Variants in ZFHX3 observed in about 807,000 individuals in gnomAD.
ZFHX3 encodes the protein zinc finger homeobox 3.
Under a neutral mutation model 279.1 loss-of-function variants are expected in ZFHX3, and 42 were observed. The ratio of observed to expected loss-of-function variants is 0.15; its 90% CI spans 0.12 to 0.19. The LOEUF (loss-of-function observed/expected upper bound fraction) is 0.19. ZFHX3 is among the 10% of genes least tolerant of loss of function. ZFHX3 has a pLI of 1.00. For synonymous variants in ZFHX3, 2,293 were observed against 1,957.8 expected (o/e 1.17, Z -4.52); for missense variants, 4,981 against 4,754.0 (o/e 1.05, Z -1.40).
intron 1 of ZFHX3, among the ~76,000 whole-genome samples, chr16:73,006,545 G>C (rs1177720793): frequency 6.6e-6 from 1 of 151,922 alleles, no homozygotes; most frequent in Non-Finnish European, 1.5e-5. Flanking sequence ...GCTTGAGCTG[G>C]AGGTCAAGGC....
At chr16:72,832,203 G>C (rs1049062039) in intron 4 of ZFHX3, among the ~76,000 whole-genome samples, 1 of 152,176 alleles carries the variant, frequency 6.6e-6, no homozygotes. Context: ...TCACAGCAGA[G>C]CACTAAAAAC....
chr16:73,353,772 G>A (rs1239412588), intron 3 of ZFHX3, among the ~76,000 whole-genome samples: 2 of 152,048 alleles, frequency 1.3e-5, no homozygotes, highest in Non-Finnish European at 2.9e-5. Flanking sequence ...GAGAAAGGAA[G>A]AAAGACATTT....
In ZFHX3 at chr16:73,777,508, CAAAAAA is replaced by C. The variant is rs34744186; in HGVS notation, c.-1607-97274_-1607-97269del. On this transcript the variant is annotated intron_variant, in intron 1 of 17. Coordinates refer to the ZFHX3 transcript ENST00000641206. ...TGGGCGACAGAGTGAGACTCTGTCT[CAAAAAA>C]AAAAAAAAAAAAAAAAAAGCTTAGT... Among the ~76,000 whole-genome samples the C allele has an allele frequency of 1.9e-4, 12 of 62,652 alleles. 1 individual carries two copies. Among genetic ancestry groups the C allele is most frequent in the South Asian group, 1.1e-3 (1 of 936 alleles). 41.1% of individuals were successfully genotyped at this position (62,652 alleles called of 152,430 possible).
In ZFHX3 at chr16:73,542,042, T is replaced by C. The variant is rs1394447071; in HGVS notation, c.-1546-85784A>G. The stretch of plus-strand genomic sequence containing the variant: ...GTCTCGATCTCTTGACCTCGTGATC[T>C]GCCCACCTCGGCCTCCCAAAATGCT... On this transcript the variant is annotated intron_variant, in intron 2 of 17. Transcript: ENST00000641206. Among the ~76,000 whole-genome samples, 3 of 152,050 alleles carry C rather than the reference T, an allele frequency of 2.0e-5. No individual in the cohort carries two copies. In the East Asian group the frequency reaches 5.8e-4, roughly 29 times the overall value.
intron 2 of ZFHX3, among the ~76,000 whole-genome samples, chr16:73,596,502 T>C (rs1266738790): frequency 1.3e-5 from 2 of 152,112 alleles, no homozygotes; most frequent in African/African-American, 4.8e-5. Flanking sequence ...CCCACCACTC[T>C]TCCTCCTGCA....
chr16:72,933,813 C>CTT lies in ZFHX3; in HGVS notation c.3216+16654_3216+16655dup, dbSNP rs71391468. Reference sequence around the variant, plus strand: ...TATGAAATGTTTAGCTCACAACTTTCTTTTTTTTTTTTTTTTTTTTTTTGA... The same window carrying CTT: ...TATGAAATGTTTAGCTCACAACTTTCTTTTTTTTTTTTTTTTTTTTTTTTTGA... On this transcript the variant is annotated intron_variant, in intron 3 of 9. Transcript: ENST00000268489. Among the ~76,000 whole-genome samples the CTT allele has an allele frequency of 4.9e-3, 553 of 112,378 alleles. 5 individuals carry two copies. The highest frequency in any genetic ancestry group is 7.8e-3 in the Non-Finnish European group (394 of 50,648). The allele number at this position is 112,378 out of a possible 152,430, so 73.7% of individuals were successfully genotyped here.
At chr16:73,430,949 G>T (rs2017899602) in intron 3 of ZFHX3, among the ~76,000 whole-genome samples, 1 of 152,210 alleles carries the variant, frequency 6.6e-6, no homozygotes, top group East Asian at 1.9e-4. Context: ...CAGCTAGTGG[G>T]TCACAATTGT....
chr16:72,937,314 G>A (rs1960176453), intron 3 of ZFHX3, among the ~76,000 whole-genome samples: 1 of 152,190 alleles, frequency 6.6e-6, no homozygotes, highest in Non-Finnish European at 1.5e-5. Context: ...GGACAAGCCT[G>A]GGGGCATAAT....
chr16:73,169,239 G>C (rs1967464004), intron 5 of ZFHX3, among the ~76,000 whole-genome samples: 1 of 152,208 alleles, frequency 6.6e-6, no homozygotes, highest in Non-Finnish European at 1.5e-5. Context: ...ATGCTAGGTG[G>C]TGGGGATTCA....
chr16:73,264,972 G>T (rs1478980113), intron 4 of ZFHX3, among the ~76,000 whole-genome samples: 2 of 149,476 alleles, frequency 1.3e-5, no homozygotes, highest in South Asian at 2.1e-4. Flanking sequence ...GTATATATGT[G>T]TATATATATG....
At chr16:73,529,943 G>GTC (rs1165901885) in intron 2 of ZFHX3, among the ~76,000 whole-genome samples, 2 of 151,744 alleles carry the variant, frequency 1.3e-5, no homozygotes, top group African/African-American at 4.8e-5. Flanking sequence ...TTGGGTGTGT[G>GTC]TGTGTGTTGG....
chr16:73,100,899 T>C (rs1390532612), intron 7 of ZFHX3, among the ~76,000 whole-genome samples: 1 of 152,146 alleles, frequency 6.6e-6, no homozygotes, highest in African/African-American at 2.4e-5. Flanking sequence ...GCCCAGCCAA[T>C]TTCCAGGATT....
In ZFHX3 at chr16:73,263,933, C is replaced by A. The variant is rs553877443; in HGVS notation, c.-1193-6797G>T. 1.8e-4 allele frequency among the ~76,000 whole-genome samples: 27 copies of A among 152,202 alleles called. No homozygotes were observed. In the South Asian group the frequency reaches 5.0e-3, roughly 28 times the overall value. On this transcript the variant is annotated intron_variant, in intron 4 of 17. Coordinates refer to the ZFHX3 transcript ENST00000641206. ...TGTAATCCCAGCACTTTGGGAGGCC[C>A]AGGAGGGCAGATCACTTGAGGTCAG... is the stretch of plus-strand genomic sequence containing the variant.
In ZFHX3 at chr16:73,521,330, A is replaced by G. The variant is rs139342449; in HGVS notation, c.-1546-65072T>C. 3.0e-3 allele frequency among the ~76,000 whole-genome samples: 452 copies of G among 152,358 alleles called. 1 individual carries two copies. Among genetic ancestry groups the G allele is most frequent in the Non-Finnish European group, 4.4e-3 (298 of 68,042 alleles). On this transcript the variant is annotated intron_variant, in intron 2 of 17. Transcript: ENST00000641206. ...AAGGGTTTAGAATGGAGTTTGGCAC[A>G]TAATAAGCTTGAGGAATATGAGCTG...
intron 8 of ZFHX3, among the ~76,000 whole-genome samples, chr16:73,078,374 A>C (rs1965909015): frequency 6.6e-6 from 1 of 152,152 alleles, no homozygotes; most frequent in African/African-American, 2.4e-5. Context: ...AATGAAATTC[A>C]GGTATCTTGG....
chr16:73,726,068 A>G (rs1281490448), intron 1 of ZFHX3, among the ~76,000 whole-genome samples: 1 of 152,256 alleles, frequency 6.6e-6, no homozygotes, highest in Non-Finnish European at 1.5e-5. Flanking sequence ...CCAAATGATT[A>G]GCCATGGAGA....
intron 8 of ZFHX3, among the ~76,000 whole-genome samples, chr16:72,799,511 G>A (rs1597246726): frequency 6.6e-6 from 1 of 152,240 alleles, no homozygotes; most frequent in Non-Finnish European, 1.5e-5. Flanking sequence ...GCCTCACAGA[G>A]GTCTAACCAT....
At chr16:73,400,491 G>A (rs117724800) in intron 3 of ZFHX3, 16 of 152,240 alleles carry the variant, frequency 1.1e-4, no homozygotes, top group Non-Finnish European at 2.4e-4. Flanking sequence ...TCTCCACGGG[G>A]GTCAGTCTGA....
chr16:73,438,046 T>C (rs1192475315), intron 3 of ZFHX3, among the ~76,000 whole-genome samples: 1 of 152,034 alleles, frequency 6.6e-6, no homozygotes, highest in Non-Finnish European at 1.5e-5. Flanking sequence ...GAGTTTGATT[T>C]GAAAGTCAAG....
Sources: gnomAD v4.1 joint callset for allele counts (sites outside exome capture counted in the v4.1 genomes callset) on GRCh38, gnomAD v4.1.1 for gene constraint, MANE v1.5 for transcripts, NCBI Gene and HGNC (gene_info 2026-07-23, HGNC 2026-07-21) for gene names.